ADARB2: variants seen among roughly 807,000 people sequenced by gnomAD.
ADARB2 encodes adenosine deaminase RNA specific B2 (inactive), also known as inactive double-stranded RNA-specific editase B2.
A neutral mutation model predicts 62.2 loss-of-function variants in ADARB2; 25 were observed. That is an observed-to-expected ratio of 0.40 (90% CI 0.29 to 0.56). ADARB2 has a LOEUF of 0.56. ADARB2 is among the 20% of genes least tolerant of loss of function. The pLI, the probability that ADARB2 is intolerant of heterozygous loss-of-function variation, is 0.43. For synonymous variants in ADARB2, 572 were observed against 500.8 expected, an observed-to-expected ratio of 1.14 and a Z score of -1.90; for missense variants, 1,071 against 1,077.4, an observed-to-expected ratio of 0.99 and a Z score of 0.08.
At chr10:1,512,461 C>A (rs888051994) in intron 1 of ADARB2, among the ~76,000 whole-genome samples, 3 of 152,222 alleles carry the variant, frequency 2.0e-5, no homozygotes, top group Admixed American at 6.5e-5. Context: ...CACTGGATAC[C>A]AAGATGGGTG....
rs1309717202 is a variant in ADARB2, at chr10:1,696,867, G to C, written c.100+40184C>G. Among the ~76,000 whole-genome samples, 4 of 152,192 alleles carry C rather than the reference G, an allele frequency of 2.6e-5. 1 individual carries two copies. The highest frequency in any genetic ancestry group is 2.6e-4 in the Admixed American group (4 of 15,280). On this transcript the variant is annotated intron_variant, in intron 1 of 9. Coordinates refer to ENST00000381312, the MANE Select transcript of ADARB2 (RefSeq NM_018702.4). ...CAGCCTCCACCAGCTTCTAGAGCAA[G>C]TTTGTCCAACCTGCAGCCTATGGGC... is the stretch of plus-strand genomic sequence containing the variant.
At position 1,216,983 on chromosome 10, in the gene ADARB2, C is replaced by A; in HGVS notation, c.1650G>T (p.Leu550=). 1 of 1,609,004 alleles carries A rather than the reference C, an allele frequency of 6.2e-7. No individual in the cohort carries two copies. Among genetic ancestry groups the A allele is most frequent in the South Asian group, 1.1e-5 (1 of 90,952 alleles). The change falls in exon 7 of 10, where the codon CTG becomes CTT. Residue 550 remains leucine, a synonymous_variant. Transcript: ENST00000381312. The part of the protein sequence containing the change: ...TWDGVLLGEQ[L]ITMSCTDKIA... The stretch of plus-strand genomic sequence containing the variant: ...TCTTGTCCGTGCAGGACATGGTGAT[C>A]AGCTGCTCCCCCAGCAGGACGCCGT...
At position 1,737,237 on chromosome 10, in the gene ADARB2, G is replaced by T. The variant is rs1213857431; in HGVS notation, c.-87C>A. The T allele has an allele frequency of 2.8e-6, 4 of 1,441,428 alleles. No individual in the cohort carries two copies. The highest frequency in any genetic ancestry group is 3.8e-6 in the Non-Finnish European group (4 of 1,041,042). The allele number at this position is 1,441,428 out of a possible 1,614,324, so 89.3% of individuals were successfully genotyped here. A position where few individuals can be genotyped will look rare whatever the true frequency, so the allele number is the denominator to read the frequency against. On this transcript the variant is annotated 5_prime_UTR_variant, in exon 1 of 10. Transcript: ENST00000381312. The stretch of plus-strand genomic sequence containing the variant: ...CCCGGCAGCCGCCGCCGCCGCTGCT[G>T]CGAAGCTTGAGGTTGCAAACCCGGG...
At chr10:1,315,551 T>C (rs540879338) in intron 3 of ADARB2, among the ~76,000 whole-genome samples, 1 of 152,334 alleles carries the variant, frequency 6.6e-6, no homozygotes, top group Admixed American at 6.5e-5. Context: ...AAAGGAAATG[T>C]CATATTTGTA....
At chr10:1,412,882 A>G (rs922920880) in intron 1 of ADARB2, among the ~76,000 whole-genome samples, 1 of 152,214 alleles carries the variant, frequency 6.6e-6, no homozygotes, top group Non-Finnish European at 1.5e-5. Flanking sequence ...ATCCACCCGC[A>G]GTGTTTTTGT....
intron 1 of ADARB2, among the ~76,000 whole-genome samples, chr10:1,601,626 T>C (rs901350751): frequency 1.3e-5 from 2 of 152,192 alleles, no homozygotes; most frequent in Non-Finnish European, 2.9e-5. Flanking sequence ...GCTGAGCTGA[T>C]GAGCAGCTCA....
At chr10:1,234,980 C>G (rs1171208735) in intron 5 of ADARB2, among the ~76,000 whole-genome samples, 1 of 152,106 alleles carries the variant, frequency 6.6e-6, no homozygotes, top group African/African-American at 2.4e-5. Context: ...CTCCTGACTT[C>G]AGGTGATCCA....
chr10:1,557,768 TG>T lies in ADARB2; in HGVS notation c.101-178609del, dbSNP rs756267293. ...CAAAATACACACACAAAAAATTAGC[TG>T]GGGGTAGTGGTGGGCATCTGTAATC... On this transcript the variant is annotated intron_variant, in intron 1 of 9. Coordinates refer to ENST00000381312, the MANE Select transcript of ADARB2 (RefSeq NM_018702.4). Among the ~76,000 whole-genome samples, 263 of 152,024 alleles carry T rather than the reference TG, an allele frequency of 1.7e-3. 1 individual carries two copies. Among genetic ancestry groups the T allele is most frequent in the Non-Finnish European group, 2.2e-3 (149 of 67,980 alleles).
intron 1 of ADARB2, among the ~76,000 whole-genome samples, chr10:1,638,659 C>A (rs1400196660): frequency 1.3e-5 from 2 of 152,180 alleles, no homozygotes; most frequent in Non-Finnish European, 2.9e-5. Flanking sequence ...AATTTTATCA[C>A]CATCATTTTC....
chr10:1,632,295 C>T (rs1430138220), intron 1 of ADARB2, among the ~76,000 whole-genome samples: 1 of 152,154 alleles, frequency 6.6e-6, no homozygotes, highest in Non-Finnish European at 1.5e-5. Flanking sequence ...ACACACTACA[C>T]ACATGCGCAC....
At chr10:1,395,888 C>T (rs1289273754) in intron 1 of ADARB2, among the ~76,000 whole-genome samples, 2 of 152,202 alleles carry the variant, frequency 1.3e-5, no homozygotes, top group African/African-American at 4.8e-5. Context: ...TCATGACCAG[C>T]ACTTTGCTTT....
intron 1 of ADARB2, among the ~76,000 whole-genome samples, chr10:1,591,452 T>A (rs1433082999): frequency 2.0e-5 from 3 of 152,186 alleles, no homozygotes; most frequent in African/African-American, 4.8e-5. Context: ...CCCAAAGGCA[T>A]CGAGACAGTG....
At chr10:1,625,082 C>T (rs1833749963) in intron 1 of ADARB2, among the ~76,000 whole-genome samples, 1 of 152,180 alleles carries the variant, frequency 6.6e-6, no homozygotes, top group South Asian at 2.1e-4. Flanking sequence ...AATTTATCTG[C>T]ATCTGTTCAG....
intron 3 of ADARB2, among the ~76,000 whole-genome samples, chr10:1,288,712 C>T (rs760001871): frequency 6.6e-6 from 1 of 152,172 alleles, no homozygotes; most frequent in East Asian, 1.9e-4. Flanking sequence ...GGAGAATGAC[C>T]CCCAAACTCC....
In ADARB2 at chr10:1,544,956, T is replaced by TATAC. The variant is rs10526252; in HGVS notation, c.101-165797_101-165796insGTAT. On this transcript the variant is annotated intron_variant, in intron 1 of 9. Coordinates refer to ENST00000381312, the MANE Select transcript of ADARB2 (RefSeq NM_018702.4). ...ATGTGAAGTCTATAATAGCAAAGTATACACACACACACACACACACACACA... is the reference window on the plus strand; with the variant it reads ...ATGTGAAGTCTATAATAGCAAAGTATATACACACACACACACACACACACACACA... Among the ~76,000 whole-genome samples the TATAC allele has an allele frequency of 6.8e-4, 91 of 133,932 alleles. No individual in the cohort carries two copies. In the East Asian group the frequency reaches 0.014, roughly 20 times the overall value. The allele number at this position is 133,932 out of a possible 152,430, so 87.9% of individuals were successfully genotyped here. A position where few individuals can be genotyped will look rare whatever the true frequency, so the allele number is the denominator to read the frequency against.
At chr10:1,391,654 C>T (rs998239296) in intron 1 of ADARB2, among the ~76,000 whole-genome samples, 1 of 151,358 alleles carries the variant, frequency 6.6e-6, no homozygotes, top group Non-Finnish European at 1.5e-5. Context: ...TCTTTTGGTG[C>T]GTGATGTTAT....
intron 7 of ADARB2, among the ~76,000 whole-genome samples, chr10:1,213,592 C>T (rs998537014): frequency 1.1e-4 from 17 of 152,210 alleles, no homozygotes; most frequent in African/African-American, 1.7e-4. Context: ...TGTTCTAACC[C>T]GGCAGGTGCT....
chr10:1,255,646 G>C lies in ADARB2; in HGVS notation c.1193-13347C>G, dbSNP rs541942795. Among the ~76,000 whole-genome samples the C allele has an allele frequency of 2.0e-5, 3 of 152,354 alleles. No individual in the cohort carries two copies. In the East Asian group the frequency reaches 5.8e-4, roughly 29 times the overall value. The stretch of plus-strand genomic sequence containing the variant: ...GGAACTTCTCCAAACCTGATGGGCT[G>C]TCGGTGAGGTTAGAGGTAAGAGGGA... On this transcript the variant is annotated intron_variant, in intron 4 of 9. Coordinates refer to ENST00000381312, the MANE Select transcript of ADARB2 (RefSeq NM_018702.4). The surrounding 1 kb of genome is among the most constrained non-coding windows in gnomAD (Gnocchi z 4.7).
chr10:1,604,413 G>T (rs1485766158), intron 1 of ADARB2, among the ~76,000 whole-genome samples: 1 of 152,182 alleles, frequency 6.6e-6, no homozygotes, highest in Non-Finnish European at 1.5e-5. Flanking sequence ...TGATCTCCAG[G>T]CTGGGAACAG....
Sources: allele counts gnomAD v4.1 joint callset (sites outside exome capture counted in the v4.1 genomes callset), GRCh38; gene constraint gnomAD v4.1.1; non-coding constraint Gnocchi (gnomAD v3.1); transcripts MANE v1.5; gene names NCBI Gene and HGNC (gene_info 2026-07-23, HGNC 2026-07-21).